Variants in N4BP2 observed in about 807,000 individuals in gnomAD.
The protein encoded by N4BP2 is NEDD4 binding protein 2.
Under a neutral mutation model 152.8 loss-of-function variants are expected in N4BP2, and 91 were observed. That is an observed-to-expected ratio of 0.60 (90% CI 0.50 to 0.71). N4BP2 has a LOEUF of 0.71. Ranked by LOEUF, N4BP2 falls within the 30% of genes least tolerant of loss-of-function variation. The pLI is 0.00. For missense variants in N4BP2, 1,923 were observed against 2,059.1 expected, an observed-to-expected ratio of 0.93 and a Z score of 1.28; for synonymous variants, 646 against 705.3, an observed-to-expected ratio of 0.92 and a Z score of 1.33.
intron 1 of N4BP2, among the ~76,000 whole-genome samples, chr4:40,070,098 A>C (rs547802735): frequency 5.6e-4 from 85 of 152,312 alleles, no homozygotes; most frequent in African/African-American, 2.0e-3. Flanking sequence ...AAGTAGTATG[A>C]TACATTGAAA....
the N4BP2 span, among the ~76,000 whole-genome samples, chr4:40,166,220 T>G: frequency 6.6e-6 from 1 of 152,056 alleles, no homozygotes; most frequent in Non-Finnish European, 1.5e-5. Flanking sequence ...CAGTAATAAG[T>G]TTTTTCCCTG....
At chr4:40,099,762 T>A (rs796845437) in intron 3 of N4BP2, among the ~76,000 whole-genome samples, 4 of 152,304 alleles carry the variant, frequency 2.6e-5, no homozygotes, top group African/African-American at 9.6e-5. Context: ...TAAGTACCTA[T>A]CCATTTTGAT....
Position 40,126,188 on chromosome 4 carries a change from A to T in N4BP2, c.4385A>T (p.Gln1462Leu), listed in dbSNP as rs763888303. 6.2e-7 allele frequency: 1 copy of T among 1,609,088 alleles called. No homozygotes were observed. The highest frequency in any genetic ancestry group is 1.1e-5 in the South Asian group (1 of 89,778). ...GATAATCCTGAACAAAAATCATCTC[A>T]GAGAACAGGCAAAAAATTACTGAAG... is the stretch of plus-strand genomic sequence containing the variant. The part of the protein sequence containing the change: ...GLDNPEQKSS[Q>L]RTGKKLLKTL... Residue 1462 changes from glutamine (Q) to leucine (L), a missense_variant, in exon 12 of 18, where the codon CAG becomes CTG. Transcript: ENST00000261435.
chr4:40,076,348 C>T (rs1712729213), intron 2 of N4BP2, among the ~76,000 whole-genome samples: 1 of 151,956 alleles, frequency 6.6e-6, no homozygotes, highest in Non-Finnish European at 1.5e-5. Flanking sequence ...TGGTGGTGCA[C>T]ACCTGTGGTC....
chr4:40,170,335 A>G, the N4BP2 span, among the ~76,000 whole-genome samples: 2 of 152,030 alleles, frequency 1.3e-5, no homozygotes, highest in African/African-American at 4.8e-5. Context: ...CACATGCAGG[A>G]TGGCCGGGTG....
rs948088167 is a variant in N4BP2, at chr4:40,157,491, C to G, written c.*3254C>G. On this transcript the variant is annotated 3_prime_UTR_variant, in exon 18 of 18. Transcript: ENST00000261435. ...AAGTAGACATGTATAATATTGAGAT[C>G]GGTTATTTCTGAGCTGGAAATTGGA... The G allele has an allele frequency of 3.9e-5, 6 of 151,932 alleles. No individual in the cohort carries two copies. The East Asian group carries it at 1.2e-3, about 29-fold the overall frequency. 9.4% of individuals were successfully genotyped at this position (151,932 alleles called of 1,614,324 possible).
intron 1 of N4BP2, among the ~76,000 whole-genome samples, chr4:40,068,882 A>C (rs764963069): frequency 4.0e-5 from 6 of 151,608 alleles, no homozygotes; most frequent in Non-Finnish European, 7.4e-5. Flanking sequence ...ACTTTGGGAG[A>C]CCGAGGCAGG....
chr4:40,094,865 G>T (rs959068701), intron 2 of N4BP2, among the ~76,000 whole-genome samples: 2 of 150,736 alleles, frequency 1.3e-5, no homozygotes, highest in African/African-American at 4.9e-5. Context: ...CGTGATCTTG[G>T]CTCACTGCAC....
At chr4:40,067,371 A>G (rs1344626274) in intron 1 of N4BP2, among the ~76,000 whole-genome samples, 2 of 146,746 alleles carry the variant, frequency 1.4e-5, no homozygotes, top group Admixed American at 1.4e-4. Flanking sequence ...TTTTTTTTTT[A>G]AGGCTGAATA....
intron 2 of N4BP2, among the ~76,000 whole-genome samples, chr4:40,082,358 GTGT>G (rs1713472750): frequency 6.6e-6 from 1 of 151,326 alleles, no homozygotes; most frequent in South Asian, 2.1e-4. Context: ...ATCTAAAGAG[GTGT>G]TGTATTCAAT....
chr4:40,135,514 G>C (rs1411695347), intron 13 of N4BP2, among the ~76,000 whole-genome samples: 1 of 152,134 alleles, frequency 6.6e-6, no homozygotes, highest in African/African-American at 2.4e-5. Context: ...GATCCCTGAG[G>C]AATCGCCACA....
Position 40,121,552 on chromosome 4 carries a change from A to G in N4BP2, c.3441A>G (p.Gly1147=). 1.2e-6 allele frequency: 2 copies of G among 1,614,114 alleles called. No individual in the cohort carries two copies. Among genetic ancestry groups the G allele is most frequent in the South Asian group, 2.2e-5 (2 of 91,074 alleles). The change falls in exon 9 of 18, where the codon GGA becomes GGG. Residue 1147 remains glycine (G), a synonymous_variant. Coordinates refer to ENST00000261435, the MANE Select transcript of N4BP2 (RefSeq NM_018177.6). ...AGAATTTCCAAAAATCGTGTGATGG[A>G]TCACAAATTGGGCCTTTTTCTCTGG... ...EFENFQKSCD[G]SQIGPFSLGL... is the part of the protein sequence containing the mutation.
In N4BP2 at chr4:40,096,581, T is replaced by C. The variant is rs534223633; in HGVS notation, c.-114-646T>C. ...AGGCATGATCCACCATGTGGTTTAA[T>C]TGAGTCACGCTGGCTTTGGTGCTAA... On this transcript the variant is annotated intron_variant, in intron 2 of 17. Coordinates refer to ENST00000261435, the MANE Select transcript of N4BP2 (RefSeq NM_018177.6). 4.6e-5 allele frequency among the ~76,000 whole-genome samples: 7 copies of C among 152,162 alleles called. No homozygotes were observed. The South Asian group carries it at 6.2e-4, about 14-fold the overall frequency.
At chr4:40,142,173 A>C (rs781655183) in intron 14 of N4BP2, 13 of 188,926 alleles carry the variant, frequency 6.9e-5, no homozygotes, top group Non-Finnish European at 1.1e-4. Context: ...GGCAGCGTGT[A>C]ACCTTGGTAA....
chr4:40,101,401 C>G (rs1299358033), intron 3 of N4BP2, among the ~76,000 whole-genome samples: 1 of 152,114 alleles, frequency 6.6e-6, no homozygotes, highest in East Asian at 1.9e-4. Flanking sequence ...CTCAGGTGAT[C>G]CACCCGCCTC....
rs1374643528 is a variant in N4BP2, at chr4:40,142,341, G to C, written c.4786-332G>C. The C allele has an allele frequency of 9.5e-6, 3 of 315,710 alleles. No homozygotes were observed. The Admixed American group carries it at 1.1e-4, about 12-fold the overall frequency. 19.6% of individuals were successfully genotyped at this position (315,710 alleles called of 1,614,324 possible). On this transcript the variant is annotated intron_variant, in intron 14 of 17. Coordinates refer to ENST00000261435, the MANE Select transcript of N4BP2 (RefSeq NM_018177.6). ...CGACGGCTGGAGTTGGGCTGGGGGT[G>C]ACTGGGTGGTGGTTTTACCTCCATT...
the N4BP2 span, chr4:40,167,428 A>G: frequency 6.6e-6 from 1 of 152,340 alleles, no homozygotes; most frequent in African/African-American, 2.4e-5. Context: ...AAAAATATAT[A>G]AGATTCCAGA....
intron 2 of N4BP2, among the ~76,000 whole-genome samples, chr4:40,076,274 G>A (rs144606888): frequency 0.016 from 2,359 of 152,180 alleles, 73 homozygotes; most frequent in African/African-American, 0.054. Context: ...TCAAGAGTTC[G>A]AGGCCAGCCT....
In N4BP2 at chr4:40,121,023, AAC is replaced by A; in HGVS notation, c.2918_2919del (p.Thr973IlefsTer9). 3 of 1,614,136 alleles carry A rather than the reference AAC, an allele frequency of 1.9e-6. No individual in the cohort carries two copies. The highest frequency in any genetic ancestry group is 2.5e-6 in the Non-Finnish European group (3 of 1,180,022). On this transcript the variant is annotated frameshift_variant, in exon 9 of 18. Coordinates refer to ENST00000261435, the MANE Select transcript of N4BP2 (RefSeq NM_018177.6). LOFTEE classifies it high-confidence loss of function. ...TGTCTAAGTAAAAAGAGTCATGGGC[AAC>A]ACACATCGTTGCCTCTTACTTTTAC...
Sources: allele counts gnomAD v4.1 joint callset (sites outside exome capture counted in the v4.1 genomes callset), GRCh38; gene constraint gnomAD v4.1.1; transcripts MANE v1.5; gene names NCBI Gene and HGNC (gene_info 2026-07-23, HGNC 2026-07-21).